FRMD5: variants seen among roughly 807,000 people sequenced by gnomAD.
FRMD5 encodes FERM domain containing 5.
A neutral mutation model predicts 69.0 loss-of-function variants in FRMD5; 20 were observed. The ratio of observed to expected loss-of-function variants is 0.29; its 90% CI spans 0.20 to 0.42. The LOEUF (loss-of-function observed/expected upper bound fraction) is 0.42. Ranked by LOEUF, FRMD5 falls within the 10% of genes least tolerant of loss-of-function variation. The pLI, the probability that FRMD5 is intolerant of heterozygous loss-of-function variation, is 1.00. For synonymous variants in FRMD5, 271 were observed against 260.1 expected, an observed-to-expected ratio of 1.04 and a Z score of -0.40; for missense variants, 595 against 708.6, an observed-to-expected ratio of 0.84 and a Z score of 1.82.
At chr15:44,089,608 T>A (rs907151422) in intron 1 of FRMD5, among the ~76,000 whole-genome samples, 3 of 151,888 alleles carry the variant, frequency 2.0e-5, no homozygotes, top group Non-Finnish European at 4.4e-5. Context: ...GAGGCTGAGG[T>A]GGGAGGATGA....
At chr15:44,127,698 AC>A (rs1441900443) in intron 1 of FRMD5, among the ~76,000 whole-genome samples, 2 of 152,004 alleles carry the variant, frequency 1.3e-5, no homozygotes, top group Non-Finnish European at 2.9e-5. Context: ...ACATGGCGAA[AC>A]CTCATCTCTA....
intron 1 of FRMD5, among the ~76,000 whole-genome samples, chr15:44,132,318 T>C (rs1041545287): frequency 6.6e-6 from 1 of 152,208 alleles, no homozygotes; most frequent in Non-Finnish European, 1.5e-5. Flanking sequence ...CACCAGTCCA[T>C]GGCCCGTGGG....
chr15:43,948,402 A>C (rs984693102), intron 1 of FRMD5, among the ~76,000 whole-genome samples: 1 of 152,188 alleles, frequency 6.6e-6, no homozygotes, highest in African/African-American at 2.4e-5. Context: ...GGAAGAAAAA[A>C]ACCTACCTGA....
At chr15:44,011,801 C>G (rs994247403) in intron 1 of FRMD5, among the ~76,000 whole-genome samples, 5 of 152,078 alleles carry the variant, frequency 3.3e-5, no homozygotes, top group Non-Finnish European at 7.4e-5. Context: ...TGTCACAAAG[C>G]AAGAAAGAGG....
chr15:44,089,315 GA>G (rs1160994558), intron 1 of FRMD5, among the ~76,000 whole-genome samples: 6 of 152,064 alleles, frequency 3.9e-5, no homozygotes, highest in African/African-American at 1.4e-4. Context: ...AACTATTAAC[GA>G]TGGTTTTAAG....
chr15:44,182,536 A>G lies in FRMD5; in HGVS notation c.102+12417T>C, dbSNP rs531075165. Among the ~76,000 whole-genome samples, 12 of 149,178 alleles carry G rather than the reference A, an allele frequency of 8.0e-5. No homozygotes were observed. In the East Asian group the frequency reaches 1.6e-3, roughly 20 times the overall value. ...AGTAGAGACGAGGTTTCATCATGTT[A>G]GCCAGGATGGTCTCGATCTGACCTC... On this transcript the variant is annotated intron_variant, in intron 1 of 13. Transcript: ENST00000417257.
At chr15:43,978,165 C>T (rs2090493933) in intron 1 of FRMD5, among the ~76,000 whole-genome samples, 1 of 152,148 alleles carries the variant, frequency 6.6e-6, no homozygotes, top group Non-Finnish European at 1.5e-5. Flanking sequence ...CTCTCACTTC[C>T]TTCCTTTTAA....
At chr15:44,044,155 C>A (rs1207038510) in intron 1 of FRMD5, among the ~76,000 whole-genome samples, 1 of 151,944 alleles carries the variant, frequency 6.6e-6, no homozygotes, top group African/African-American at 2.4e-5. Flanking sequence ...ATGTGGCCAA[C>A]AAACATATGA....
Position 43,873,654 on chromosome 15 carries a change from T to C in FRMD5, c.*231A>G. ...AGATGAGAAACAGAGTCGCTGAGCC[T>C]TTCTTGAAATAACTTCTGAAGAAAA... is the stretch of plus-strand genomic sequence containing the variant. On this transcript the variant is annotated 3_prime_UTR_variant, in exon 14 of 14. Transcript: ENST00000417257. 1 of 1,474,156 alleles carries C rather than the reference T, an allele frequency of 6.8e-7. No individual in the cohort carries two copies. Among genetic ancestry groups the C allele is most frequent in the Non-Finnish European group, 8.9e-7 (1 of 1,118,626 alleles). The allele number at this position is 1,474,156 out of a possible 1,614,324, so 91.3% of individuals were successfully genotyped here. A position where few individuals can be genotyped will look rare whatever the true frequency, so the allele number is the denominator to read the frequency against.
chr15:43,894,483 C>A (rs1026340770), intron 7 of FRMD5, among the ~76,000 whole-genome samples: 15 of 151,718 alleles, frequency 9.9e-5, no homozygotes, highest in African/African-American at 3.6e-4. Context: ...GGGGAACGTC[C>A]GTATGTGCGT....
intron 1 of FRMD5, among the ~76,000 whole-genome samples, chr15:43,952,505 T>C (rs1443560213): frequency 6.6e-6 from 1 of 152,240 alleles, no homozygotes; most frequent in Non-Finnish European, 1.5e-5. Context: ...AGCCAGTCTC[T>C]TTCCATGCGC....
At chr15:44,028,188 C>A (rs978095745) in intron 1 of FRMD5, among the ~76,000 whole-genome samples, 1 of 152,138 alleles carries the variant, frequency 6.6e-6, no homozygotes, top group Non-Finnish European at 1.5e-5. Flanking sequence ...AAAGACTTTT[C>A]CAAAATACTT....
intron 1 of FRMD5, among the ~76,000 whole-genome samples, chr15:44,033,624 A>T (rs1891782560): frequency 6.6e-6 from 1 of 152,218 alleles, no homozygotes; most frequent in Non-Finnish European, 1.5e-5. Context: ...TTACACCAGT[A>T]AACAATTCTA....
At chr15:43,990,109 C>A (rs1179072937) in intron 1 of FRMD5, 12 of 648,462 alleles carry the variant, frequency 1.9e-5, no homozygotes, top group Non-Finnish European at 3.5e-5. Context: ...CCGGGGTGGG[C>A]ATCGTCACCT....
chr15:43,935,570 G>A (rs2089746394), intron 1 of FRMD5, among the ~76,000 whole-genome samples: 1 of 152,084 alleles, frequency 6.6e-6, no homozygotes, highest in East Asian at 1.9e-4. Context: ...GAATGACCAG[G>A]TCCCCAGAGC....
intron 1 of FRMD5, among the ~76,000 whole-genome samples, chr15:43,940,697 G>C (rs1260215229): frequency 6.6e-6 from 1 of 152,184 alleles, no homozygotes; most frequent in Non-Finnish European, 1.5e-5. Context: ...TAGGCAATAA[G>C]ATAAGGGCAG....
chr15:43,935,331 C>T (rs1235988136), intron 1 of FRMD5, among the ~76,000 whole-genome samples: 2 of 151,898 alleles, frequency 1.3e-5, no homozygotes, highest in African/African-American at 4.8e-5. Flanking sequence ...AATACAAAAA[C>T]AAATTAGCCG....
At chr15:44,100,564 G>C (rs977507667) in intron 1 of FRMD5, among the ~76,000 whole-genome samples, 4 of 152,126 alleles carry the variant, frequency 2.6e-5, no homozygotes, top group Non-Finnish European at 5.9e-5. Flanking sequence ...TTGACAAGCT[G>C]CTCCTCTGAA....
At chr15:43,963,116 G>GGCAACCTACAGAATGGGAGAAAAGTTTT (rs1453141002) in intron 1 of FRMD5, among the ~76,000 whole-genome samples, 9 of 152,148 alleles carry the variant, frequency 5.9e-5, no homozygotes, top group Non-Finnish European at 1.3e-4. Context: ...AGAGTGAACA[G>GGCAACCTACAGAATGGGAGAAAAGTTTT]GCAACCTACA....
Sources: allele counts gnomAD v4.1 joint callset (sites outside exome capture counted in the v4.1 genomes callset), GRCh38; gene constraint gnomAD v4.1.1; transcripts MANE v1.5; gene names NCBI Gene and HGNC (gene_info 2026-07-23, HGNC 2026-07-21).